PHF21B: variants seen among roughly 807,000 people sequenced by gnomAD.
PHF21B encodes PHD finger protein 21B.
A neutral mutation model predicts 62.2 loss-of-function variants in PHF21B; 22 were observed. The observed-to-expected ratio is 0.35, with a 90% CI of 0.25 to 0.51. PHF21B has a LOEUF of 0.51. Ranked by LOEUF, PHF21B falls within the 20% of genes least tolerant of loss-of-function variation. The pLI is 0.97. For synonymous variants in PHF21B, 341 were observed against 314.7 expected (o/e 1.08, Z -0.88); for missense variants, 701 against 707.9 (o/e 0.99, Z 0.11).
intron 2 of PHF21B, among the ~76,000 whole-genome samples, chr22:44,951,244 C>T (rs1428164698): frequency 2.0e-5 from 3 of 152,316 alleles, no homozygotes; most frequent in South Asian, 2.1e-4. Flanking sequence ...CTCAGCTCCA[C>T]CGCAGATCAT....
intron 5 of PHF21B, 99 bp downstream of exon 5, chr22:44,913,723 G>T: frequency 6.9e-7 from 1 of 1,446,664 alleles, no homozygotes; most frequent in Admixed American, 2.6e-5. Context: ...GGCTTGTCGG[G>T]ACCACCCCAC....
chr22:45,009,433 TC>T lies in PHF21B; in HGVS notation c.54+62del. The T allele has an allele frequency of 1.4e-6, 2 of 1,435,800 alleles. No homozygotes were observed. Among genetic ancestry groups the T allele is most frequent in the East Asian group, 2.6e-5 (1 of 38,334 alleles). 88.9% of individuals were successfully genotyped at this position (1,435,800 alleles called of 1,614,324 possible). A position where few individuals can be genotyped will look rare whatever the true frequency, so the allele number is the denominator to read the frequency against. On this transcript the variant is annotated intron_variant, in intron 1 of 12. Transcript: ENST00000313237. The surrounding 1 kb of genome is among the most constrained non-coding windows in gnomAD (Gnocchi z 5.9). ...CGGAAGAGAGGATGCTGGGCTCGGGTCCCCCGACCCCCTCACCCCGCAACAC... is the reference window on the plus strand; with the variant it reads ...CGGAAGAGAGGATGCTGGGCTCGGGTCCCCGACCCCCTCACCCCGCAACAC...
intron 2 of PHF21B, among the ~76,000 whole-genome samples, chr22:44,937,231 C>T (rs1378544287): frequency 6.6e-6 from 1 of 152,166 alleles, no homozygotes; most frequent in Non-Finnish European, 1.5e-5. Context: ...AACATCAAAA[C>T]ACACCCAGAC....
intron 5 of PHF21B, among the ~76,000 whole-genome samples, chr22:44,903,211 G>T (rs2147277022): frequency 6.6e-6 from 1 of 152,270 alleles, no homozygotes; most frequent in Non-Finnish European, 1.5e-5. Context: ...ACCCAGCCCT[G>T]TCTAAGCTAA....
At position 45,005,305 on chromosome 22, in the gene PHF21B, T is replaced by C. The variant is rs557468035; in HGVS notation, c.120+3240A>G. 3.3e-5 allele frequency among the ~76,000 whole-genome samples: 5 copies of C among 152,170 alleles called. No homozygotes were observed. In the South Asian group the frequency reaches 6.2e-4, roughly 19 times the overall value. ...GTGCAGCCACACCTGGGAAGGCAGC[T>C]TAGCTGGCCTGGGCCTGGCCACAAC... is the stretch of plus-strand genomic sequence containing the variant. On this transcript the variant is annotated intron_variant, in intron 2 of 12. Coordinates refer to ENST00000313237, the MANE Select transcript of PHF21B (RefSeq NM_138415.5).
At chr22:44,888,143 G>A in intron 9 of PHF21B, 22 bp from the exon 10 acceptor site, 1 of 1,497,808 alleles carries the variant, frequency 6.7e-7, no homozygotes, top group African/African-American at 1.4e-5. Context: ...GGGAGGGCAG[G>A]AGACAGGTCA....
chr22:44,949,301 C>CAAAAAAAAAA (rs1173438062), intron 2 of PHF21B, among the ~76,000 whole-genome samples: 19 of 42,398 alleles, frequency 4.5e-4, no homozygotes, highest in Non-Finnish European at 6.7e-4. Context: ...AACTCCATCT[C>CAAAAAAAAAA]AAAAAAAAGA....
At chr22:44,984,065 T>A (rs1392680289) in intron 2 of PHF21B, among the ~76,000 whole-genome samples, 4 of 133,436 alleles carry the variant, frequency 3.0e-5, no homozygotes, top group East Asian at 2.2e-4. Flanking sequence ...ATCATCATCA[T>A]CACCATCACC....
chr22:44,930,768 G>A (rs114786516), intron 2 of PHF21B, among the ~76,000 whole-genome samples: 3,090 of 115,174 alleles, frequency 0.027, 100 homozygotes, highest in African/African-American at 0.097. Flanking sequence ...TCTTCTGACA[G>A]GATAGGTTGC....
chr22:44,969,372 A>T (rs2072593276), intron 2 of PHF21B, among the ~76,000 whole-genome samples: 1 of 152,216 alleles, frequency 6.6e-6, no homozygotes, highest in African/African-American at 2.4e-5. Context: ...TCTGCAACTG[A>T]AAAATGGAGC....
At chr22:44,989,032 G>A (rs1256331833) in intron 2 of PHF21B, 4 of 152,152 alleles carry the variant, frequency 2.6e-5, no homozygotes, top group African/African-American at 7.2e-5. Flanking sequence ...CACCTCCCAA[G>A]GCCCCACCTC....
chr22:44,977,891 G>A (rs966760608), intron 2 of PHF21B, among the ~76,000 whole-genome samples: 1 of 151,908 alleles, frequency 6.6e-6, no homozygotes, highest in Non-Finnish European at 1.5e-5. Flanking sequence ...TGGCCTGCAT[G>A]TTTTGAACTT....
chr22:44,919,148 T>C (rs757566512), intron 3 of PHF21B, among the ~76,000 whole-genome samples: 2 of 152,174 alleles, frequency 1.3e-5, no homozygotes, highest in Non-Finnish European at 2.9e-5. Context: ...AAGCCTTCCT[T>C]GATGCCCAGG....
chr22:45,002,049 C>G (rs1484397907), intron 2 of PHF21B: 1 of 152,194 alleles, frequency 6.6e-6, no homozygotes, highest in Middle Eastern at 3.2e-3. Flanking sequence ...TGATAGAATG[C>G]TGATCACCAC....
chr22:44,914,749 C>T (rs1601594093), intron 4 of PHF21B, among the ~76,000 whole-genome samples: 1 of 152,196 alleles, frequency 6.6e-6, no homozygotes, highest in African/African-American at 2.4e-5. Flanking sequence ...CCTGCAGCAG[C>T]CCCCCTTAGC....
At chr22:44,978,638 C>A (rs1343957258) in intron 2 of PHF21B, among the ~76,000 whole-genome samples, 1 of 152,176 alleles carries the variant, frequency 6.6e-6, no homozygotes, top group Non-Finnish European at 1.5e-5. Flanking sequence ...GGATTACAGG[C>A]GTGAGCCACC....
chr22:45,001,491 T>C (rs4823431), intron 2 of PHF21B, among the ~76,000 whole-genome samples: 133,933 of 152,140 alleles, frequency 0.88, 58,990 homozygotes, highest in Middle Eastern at 0.93. Context: ...TGGCCAGACA[T>C]CTCACACAAA....
At chr22:44,919,707 T>C (rs1001072810) in intron 3 of PHF21B, among the ~76,000 whole-genome samples, 4 of 152,224 alleles carry the variant, frequency 2.6e-5, no homozygotes, top group African/African-American at 9.7e-5. Context: ...GAGCTTGTGG[T>C]AATAAGGGAG....
chr22:44,952,331 G>A (rs933040176), intron 2 of PHF21B, among the ~76,000 whole-genome samples: 5 of 152,176 alleles, frequency 3.3e-5, no homozygotes, highest in African/African-American at 9.7e-5. Context: ...CAACAAGAGC[G>A]AAACTTTGTC....
Sources: allele counts gnomAD v4.1 joint callset (sites outside exome capture counted in the v4.1 genomes callset), GRCh38; gene constraint gnomAD v4.1.1; non-coding constraint Gnocchi (gnomAD v3.1); transcripts MANE v1.5; gene names NCBI Gene and HGNC (gene_info 2026-07-23, HGNC 2026-07-21).